The following FHIT variants were observed in gnomAD, a reference collection of about 807,000 sequenced individuals.
FHIT encodes the protein bis(5'-adenosyl)-triphosphatase.
FHIT carries 19 observed loss-of-function variants against 17.9 expected under a neutral mutation model. That is an observed-to-expected ratio of 1.06 (90% CI 0.74 to 1.56). The LOEUF (loss-of-function observed/expected upper bound fraction) is 1.56, where lower values mean the gene tolerates loss of function less well. Among genes scored for constraint, FHIT ranks in the 40% most tolerant of loss-of-function variants. The pLI is 0.00. For synonymous variants in FHIT, 81 were observed against 69.7 expected (o/e 1.16, Z -0.81); for missense variants, 248 against 189.2 (o/e 1.31, Z -1.82).
chr3:59,929,907 G>A (rs1399571096), intron 7 of FHIT, among the ~76,000 whole-genome samples: 2 of 149,478 alleles, frequency 1.3e-5, no homozygotes, highest in Non-Finnish European at 3.0e-5. Context: ...AAACCCTGAA[G>A]CAAGGATGAG....
intron 5 of FHIT, among the ~76,000 whole-genome samples, chr3:60,351,471 T>G (rs995155467): frequency 6.6e-6 from 1 of 152,164 alleles, no homozygotes; most frequent in East Asian, 1.9e-4. Flanking sequence ...TAATTTTGTC[T>G]AATGATATAT....
chr3:60,568,906 C>T (rs748839939), intron 4 of FHIT, among the ~76,000 whole-genome samples: 27 of 151,704 alleles, frequency 1.8e-4, no homozygotes, highest in Non-Finnish European at 3.2e-4. Flanking sequence ...GTCACCATAC[C>T]ATTTTGGGGA....
intron 3 of FHIT, among the ~76,000 whole-genome samples, chr3:60,963,915 G>T (rs1246473262): frequency 6.6e-6 from 1 of 152,170 alleles, no homozygotes; most frequent in African/African-American, 2.4e-5. Flanking sequence ...CTGTTGATTT[G>T]GGGTGGAGAG....
At chr3:59,771,114 T>A (rs755590252) in intron 8 of FHIT, among the ~76,000 whole-genome samples, 7 of 152,190 alleles carry the variant, frequency 4.6e-5, no homozygotes, top group Non-Finnish European at 1.0e-4. Flanking sequence ...GTAGCGGGAT[T>A]ATTTTGTTCT....
intron 5 of FHIT, among the ~76,000 whole-genome samples, chr3:60,365,582 T>C (rs896903527): frequency 2.0e-5 from 3 of 152,196 alleles, no homozygotes; most frequent in Admixed American, 2.0e-4. Flanking sequence ...TCATAACTCA[T>C]TAGTTATTTC....
At chr3:61,095,996 A>G (rs1330263740) in intron 2 of FHIT, among the ~76,000 whole-genome samples, 1 of 152,242 alleles carries the variant, frequency 6.6e-6, no homozygotes, top group Admixed American at 6.5e-5. Flanking sequence ...AGTAGTGAAG[A>G]AAAAAGGACC....
At chr3:60,690,416 T>C (rs7638754) in intron 4 of FHIT, 34,533 of 576,236 alleles carry the variant, frequency 0.06, 2,678 homozygotes, top group African/African-American at 0.26. Context: ...GGTCCAGCAT[T>C]TGCCATGGAC....
intron 5 of FHIT, among the ~76,000 whole-genome samples, chr3:60,041,838 A>G (rs1701451968): frequency 6.6e-6 from 1 of 152,212 alleles, no homozygotes; most frequent in African/African-American, 2.4e-5. Context: ...GGAAATAAGG[A>G]GGTTTACCCA....
At chr3:59,978,950 T>C (rs1575806400) in intron 7 of FHIT, among the ~76,000 whole-genome samples, 2 of 152,006 alleles carry the variant, frequency 1.3e-5, no homozygotes, top group South Asian at 2.1e-4. Context: ...GCAAGGGTAG[T>C]GAAAAGTGAG....
chr3:61,044,650 C>T (rs551807125), intron 2 of FHIT, among the ~76,000 whole-genome samples: 20 of 152,152 alleles, frequency 1.3e-4, no homozygotes, highest in African/African-American at 2.4e-4. Context: ...AGATACTCCT[C>T]GAGAAGAGCA....
intron 4 of FHIT, among the ~76,000 whole-genome samples, chr3:60,670,800 G>C (rs1324986316): frequency 6.6e-6 from 1 of 152,110 alleles, no homozygotes; most frequent in African/African-American, 2.4e-5. Flanking sequence ...GTGAAATTTG[G>C]ATTAAACAGA....
chr3:60,655,598 G>A (rs1168156828), intron 4 of FHIT, among the ~76,000 whole-genome samples: 3 of 152,108 alleles, frequency 2.0e-5, no homozygotes, highest in African/African-American at 7.2e-5. Flanking sequence ...TGGAGGGTAA[G>A]CACATCACCT....
chr3:60,656,771 G>C lies in FHIT; in HGVS notation c.-17-119792C>G, dbSNP rs73835798. ...ATGTACATTCTTTCAGATTTAACAAGGCAACTTAATTAACACTGCTGTGTT... is the reference window on the plus strand; with the variant it reads ...ATGTACATTCTTTCAGATTTAACAACGCAACTTAATTAACACTGCTGTGTT... On this transcript the variant is annotated intron_variant, in intron 4 of 9. Transcript: ENST00000492590. Among the ~76,000 whole-genome samples, 308 of 152,270 alleles carry C rather than the reference G, an allele frequency of 2.0e-3. 2 individuals carry two copies. The highest frequency in any genetic ancestry group is 7.2e-3 in the African/African-American group (301 of 41,554).
At chr3:60,690,301 T>G (rs996595840) in intron 4 of FHIT, 11 of 559,424 alleles carry the variant, frequency 2.0e-5, no homozygotes, top group Middle Eastern at 4.4e-4. Flanking sequence ...CTCCATGGCC[T>G]CCACAATATC....
At chr3:61,105,223 G>C (rs1224800078) in intron 2 of FHIT, among the ~76,000 whole-genome samples, 1 of 147,000 alleles carries the variant, frequency 6.8e-6, no homozygotes, top group Non-Finnish European at 1.5e-5. Context: ...CTTTGAGGTT[G>C]CTGACCTTTG....
chr3:60,274,694 G>T (rs1183772764), intron 5 of FHIT, among the ~76,000 whole-genome samples: 1 of 152,126 alleles, frequency 6.6e-6, no homozygotes, highest in Non-Finnish European at 1.5e-5. Context: ...TAAAACAGAA[G>T]ATATAGTCTC....
chr3:59,788,881 G>GTTTTGTTTTTTTTTTTTTTTTTTT (rs1553677013), intron 8 of FHIT, among the ~76,000 whole-genome samples: 1 of 86,804 alleles, frequency 1.2e-5, no homozygotes, highest in African/African-American at 4.6e-5. Context: ...GAGTTCATAT[G>GTTTTGTTTTTTTTTTTTTTTTTTT]TTTTTTTTTT....
intron 5 of FHIT, among the ~76,000 whole-genome samples, chr3:60,183,216 G>A (rs1235328337): frequency 6.6e-6 from 1 of 152,086 alleles, no homozygotes; most frequent in Non-Finnish European, 1.5e-5. Flanking sequence ...TAGCCGACAT[G>A]GTGAAAATCC....
At chr3:59,988,304 G>A (rs1251910144) in intron 7 of FHIT, among the ~76,000 whole-genome samples, 2 of 152,076 alleles carry the variant, frequency 1.3e-5, no homozygotes, top group Admixed American at 1.3e-4. Flanking sequence ...AGGAAGCTTC[G>A]TGACTTACTC....
Sources: gnomAD v4.1 joint callset for allele counts (sites outside exome capture counted in the v4.1 genomes callset) on GRCh38, gnomAD v4.1.1 for gene constraint, MANE v1.5 for transcripts, NCBI Gene and HGNC (gene_info 2026-07-23, HGNC 2026-07-21) for gene names.